The following HELZ variants were observed in gnomAD, a reference collection of about 807,000 sequenced individuals.
HELZ encodes helicase with zinc finger, also known as ATP-dependent RNA helicase with zinc finger domain.
HELZ carries 23 observed loss-of-function variants against 218.2 expected under a neutral mutation model. The observed-to-expected ratio is 0.11, with a 90% CI of 0.08 to 0.15. The LOEUF (loss-of-function observed/expected upper bound fraction) is 0.15. Ranked by LOEUF, HELZ falls within the 10% of genes least tolerant of loss-of-function variation. The probability of loss-of-function intolerance (pLI) is 1.00; values close to 1 mark genes in which losing one functional copy is unlikely to be tolerated. For synonymous variants in HELZ, 814 were observed against 829.4 expected (o/e 0.98, Z 0.32); for missense variants, 1,813 against 2,353.7 (o/e 0.77, Z 4.75).
chr17:67,081,074 T>C (rs970928831), intron 32 of HELZ, among the ~76,000 whole-genome samples: 10 of 152,186 alleles, frequency 6.6e-5, no homozygotes, highest in African/African-American at 2.2e-4. Context: ...TTCTGTGTCA[T>C]CTCTAGCTTG....
intron 31 of HELZ, among the ~76,000 whole-genome samples, chr17:67,090,055 T>C (rs2036533579): frequency 1.3e-5 from 2 of 152,076 alleles, no homozygotes; most frequent in African/African-American, 2.4e-5. Flanking sequence ...TTGTTATAGA[T>C]GCCCTTTAAC....
At chr17:67,215,529 A>T (rs1311483068) in intron 5 of HELZ, among the ~76,000 whole-genome samples, 2 of 152,070 alleles carry the variant, frequency 1.3e-5, no homozygotes, top group Admixed American at 6.6e-5. Context: ...TTGTAGTTTT[A>T]GTAGAGATGG....
intron 21 of HELZ, among the ~76,000 whole-genome samples, chr17:67,142,463 A>AT (rs1314068036): frequency 1.3e-5 from 2 of 152,136 alleles, no homozygotes; most frequent in Non-Finnish European, 2.9e-5. Context: ...AGCCATAATC[A>AT]TGTCACTGCC....
Position 67,149,857 on chromosome 17 carries a change from G to A in HELZ, c.2475+10C>T, listed in dbSNP as rs375055348. ...GTTACTTTCAACACAGCAACTCAGA[G>A]GGCACTTACCTGCATGTGATCACCA... is the stretch of plus-strand genomic sequence containing the variant. On this transcript the variant is annotated intron_variant, in intron 19 of 32. Transcript: ENST00000358691. The A allele has an allele frequency of 2.9e-5, 44 of 1,499,082 alleles. No homozygotes were observed. The highest frequency in any genetic ancestry group is 2.1e-4 in the African/African-American group (15 of 71,648). The allele number at this position is 1,499,082 out of a possible 1,614,324, so 92.9% of individuals were successfully genotyped here.
Position 67,098,129 on chromosome 17 carries a change from T to C in HELZ, c.5241+9040A>G, listed in dbSNP as rs113598354. ...CTTCACAAGAACATAATTTTGCTTTTCCCCCACATCTAGTTCTGTGTAATT... is the reference window on the plus strand; with the variant it reads ...CTTCACAAGAACATAATTTTGCTTTCCCCCCACATCTAGTTCTGTGTAATT... On this transcript the variant is annotated intron_variant, in intron 31 of 32. Transcript: ENST00000358691. Among the ~76,000 whole-genome samples the C allele has an allele frequency of 6.4e-3, 968 of 152,166 alleles. 10 individuals carry two copies. The highest frequency in any genetic ancestry group is 0.022 in the African/African-American group (923 of 41,510).
intron 31 of HELZ, among the ~76,000 whole-genome samples, chr17:67,098,814 G>A (rs557809212): frequency 8.0e-4 from 122 of 152,254 alleles, no homozygotes; most frequent in African/African-American, 2.9e-3. Context: ...TGATAGACTC[G>A]CTAAAATATT....
intron 6 of HELZ, 26 bp from the exon 7 acceptor site, chr17:67,201,211 G>A: frequency 6.7e-7 from 1 of 1,488,878 alleles, no homozygotes; most frequent in Non-Finnish European, 9.3e-7. Context: ...AAAAAGAGAA[G>A]AACCAATTAG....
intron 5 of HELZ, among the ~76,000 whole-genome samples, chr17:67,204,572 C>G (rs1213245751): frequency 6.6e-6 from 1 of 151,946 alleles, no homozygotes; most frequent in African/African-American, 2.4e-5. Flanking sequence ...TTAACCCTTC[C>G]CTTATAAGAT....
Position 67,229,195 on chromosome 17 carries a change from T to C in HELZ, c.-19+10238A>G, listed in dbSNP as rs563157576. Among the ~76,000 whole-genome samples the C allele has an allele frequency of 5.3e-4, 80 of 152,252 alleles. 1 individual carries two copies. The highest frequency in any genetic ancestry group is 1.2e-3 in the South Asian group (6 of 4,820). ...TAACTCTGAAATGCCTATAAAATAA[T>C]GTCAAAGCTCATTAACAGATATCCG... On this transcript the variant is annotated intron_variant, in intron 3 of 32. Coordinates refer to ENST00000358691, the MANE Select transcript of HELZ (RefSeq NM_014877.4).
At chr17:67,120,279 TCTCTCTCAAAG>T (rs1264062077) in intron 27 of HELZ, 115 bp downstream of exon 27, 1 of 765,878 alleles carries the variant, frequency 1.3e-6, no homozygotes, top group East Asian at 2.7e-5. Context: ...GCTGGTAGAT[TCTCTCTCAAAG>T]AGGTCTATAA....
chr17:67,177,355 A>C (rs1014503299), intron 13 of HELZ, among the ~76,000 whole-genome samples: 9 of 152,188 alleles, frequency 5.9e-5, no homozygotes, highest in African/African-American at 1.9e-4. Context: ...GAATATAATA[A>C]TACTAAGCTT....
chr17:67,225,775 TA>T (rs1215131026), intron 3 of HELZ, among the ~76,000 whole-genome samples: 9 of 152,188 alleles, frequency 5.9e-5, no homozygotes, highest in African/African-American at 1.9e-4. Flanking sequence ...GCCACTTTTA[TA>T]AAACAGAAAC....
At chr17:67,230,007 A>G (rs939452256) in intron 3 of HELZ, among the ~76,000 whole-genome samples, 3 of 152,252 alleles carry the variant, frequency 2.0e-5, no homozygotes, top group African/African-American at 7.2e-5. Context: ...TTAGTAGAGT[A>G]TAGAATGTTT....
intron 31 of HELZ, among the ~76,000 whole-genome samples, chr17:67,101,378 T>C (rs955154189): frequency 3.9e-5 from 6 of 151,906 alleles, no homozygotes; most frequent in African/African-American, 7.3e-5. Context: ...GCCCCACATA[T>C]AGAAACTGGA....
At chr17:67,122,738 G>C (rs1211464755) in intron 26 of HELZ, among the ~76,000 whole-genome samples, 1 of 151,712 alleles carries the variant, frequency 6.6e-6, no homozygotes, top group Non-Finnish European at 1.5e-5. Context: ...ATAGTACAAA[G>C]GTTTCTAAAT....
Position 67,195,101 on chromosome 17 carries a change from T to C in HELZ, c.481+318A>G, listed in dbSNP as rs557208810. ...CCAAAAAGTAATAACTGTACTAGCT[T>C]AGGACAGAGAGAGAAGAAAAGTCTT... On this transcript the variant is annotated intron_variant, in intron 8 of 32. Coordinates refer to ENST00000358691, the MANE Select transcript of HELZ (RefSeq NM_014877.4). 3.2e-4 allele frequency among the ~76,000 whole-genome samples: 49 copies of C among 152,210 alleles called. 1 individual carries two copies. Among genetic ancestry groups the C allele is most frequent in the African/African-American group, 1.1e-3 (45 of 41,532 alleles).
rs150696586 is a variant in HELZ, at chr17:67,167,359, C to T, written c.1764+104G>A. The T allele has an allele frequency of 8.0e-3, 6,658 of 833,516 alleles. 61 individuals are homozygous for T. The highest frequency in any genetic ancestry group is 7.6e-3 in the Non-Finnish European group (3,954 of 521,482). 51.6% of individuals were successfully genotyped at this position (833,516 alleles called of 1,614,324 possible). A position where few individuals can be genotyped will look rare whatever the true frequency, so the allele number is the denominator to read the frequency against. On this transcript the variant is annotated intron_variant, in intron 14 of 32. Coordinates refer to ENST00000358691, the MANE Select transcript of HELZ (RefSeq NM_014877.4). The stretch of plus-strand genomic sequence containing the variant: ...CCACCACTGTAGACTTCAAAGTCAG[C>T]TTTGCTTTTGTTTACGGCAGAAGAA...
chr17:67,153,314 T>C (rs1035818577), intron 17 of HELZ, among the ~76,000 whole-genome samples: 6 of 152,116 alleles, frequency 3.9e-5, no homozygotes, highest in African/African-American at 1.4e-4. Flanking sequence ...GGTTGGCCCC[T>C]AGAAAAGAAC....
Position 67,196,203 on chromosome 17 carries a change from G to A in HELZ, c.430-733C>T, listed in dbSNP as rs536765069. Among the ~76,000 whole-genome samples the A allele has an allele frequency of 4.2e-4, 64 of 152,100 alleles. 1 individual carries two copies. In the South Asian group the frequency reaches 7.9e-3, roughly 19 times the overall value. ...GGCATGCTACCACTTTGGAGCCTGG[G>A]AGCACTTACTGCTAGGTACCCCACT... On this transcript the variant is annotated intron_variant, in intron 7 of 32. Transcript: ENST00000358691.
Sources: gnomAD v4.1 joint callset for allele counts (sites outside exome capture counted in the v4.1 genomes callset) on GRCh38, gnomAD v4.1.1 for gene constraint, MANE v1.5 for transcripts, NCBI Gene and HGNC (gene_info 2026-07-23, HGNC 2026-07-21) for gene names.